The following STAG1 variants were observed in gnomAD, a reference collection of about 807,000 sequenced individuals.
STAG1 encodes the protein cohesin subunit SA-1.
In STAG1, 26 loss-of-function variants were observed where a neutral mutation model predicts 170.9. That is an observed-to-expected ratio of 0.15 (90% CI 0.11 to 0.21). The LOEUF (loss-of-function observed/expected upper bound fraction) is 0.21. STAG1 is among the 10% of genes least tolerant of loss of function. The probability of loss-of-function intolerance (pLI) is 1.00; values close to 1 mark genes in which losing one functional copy is unlikely to be tolerated. For missense variants in STAG1, 964 were observed against 1,509.5 expected (o/e 0.64, Z 5.99); for synonymous variants, 514 against 497.7 (o/e 1.03, Z -0.44).
intron 1 of STAG1, among the ~76,000 whole-genome samples, chr3:136,678,226 C>G (rs1942202911): frequency 6.7e-6 from 1 of 148,962 alleles, no homozygotes; most frequent in African/African-American, 2.5e-5. Context: ...TAGAGAACAG[C>G]TAATGCTAAA....
intron 7 of STAG1, among the ~76,000 whole-genome samples, chr3:136,508,482 G>A (rs575425069): frequency 1.3e-5 from 2 of 152,288 alleles, no homozygotes; most frequent in South Asian, 4.1e-4. Flanking sequence ...GAGGTCAGGA[G>A]TTCAAGACCA....
intron 4 of STAG1, among the ~76,000 whole-genome samples, chr3:136,569,389 T>A (rs1231639160): frequency 1.3e-5 from 2 of 148,918 alleles, no homozygotes; most frequent in Non-Finnish European, 3.0e-5. Flanking sequence ...AAAACGTATC[T>A]GATAAAATTC....
At chr3:136,486,999 CAAAAAAAAAAAAAAAAA>C (rs536392595) in intron 9 of STAG1, among the ~76,000 whole-genome samples, 14 of 54,662 alleles carry the variant, frequency 2.6e-4, no homozygotes, top group African/African-American at 9.2e-4. Flanking sequence ...TTTATTTCTT[CAAAAAAAAAAAAAAAAA>C]AAAAAAAAAA....
intron 1 of STAG1, among the ~76,000 whole-genome samples, chr3:136,709,376 T>C (rs1943322320): frequency 6.6e-6 from 1 of 152,126 alleles, no homozygotes; most frequent in Non-Finnish European, 1.5e-5. Context: ...ATTTATTATA[T>C]AGGAAAGCAG....
At chr3:136,579,340 T>C (rs116038008) in intron 4 of STAG1, among the ~76,000 whole-genome samples, 12 of 152,358 alleles carry the variant, frequency 7.9e-5, no homozygotes, top group Non-Finnish European at 1.6e-4. Flanking sequence ...GGTAGTTGTA[T>C]TGGTTATCTA....
Position 136,337,176 on chromosome 3 carries a change from A to G in STAG1, c.*1078T>C, listed in dbSNP as rs1203900165. 1 of 152,672 alleles carries G rather than the reference A, an allele frequency of 6.5e-6. No homozygotes were observed. The highest frequency in any genetic ancestry group is 1.5e-5 in the Non-Finnish European group (1 of 68,048). 9.5% of individuals were successfully genotyped at this position (152,672 alleles called of 1,614,324 possible). On this transcript the variant is annotated 3_prime_UTR_variant, in exon 34 of 34. Coordinates refer to ENST00000383202, the MANE Select transcript of STAG1 (RefSeq NM_005862.3). ...CTAAGCACAGACTTCTATGCAGCAC[A>G]TACTTCTATAATCAGTAAACTTAAT...
chr3:136,397,133 C>A (rs968220577), intron 22 of STAG1, among the ~76,000 whole-genome samples: 1 of 152,180 alleles, frequency 6.6e-6, no homozygotes, highest in Admixed American at 6.5e-5. Context: ...AGAGGAGATA[C>A]ACAAACATAC....
chr3:136,351,930 G>T lies in STAG1; in HGVS notation c.3066-2567C>A, dbSNP rs894792362. Reference sequence around the variant, plus strand: ...AAGTGGCTTATGCTAACCCAGGGGTGACCTCCTCAGCAGCCAAGACAAATG... The same window carrying T: ...AAGTGGCTTATGCTAACCCAGGGGTTACCTCCTCAGCAGCCAAGACAAATG... On this transcript the variant is annotated intron_variant, in intron 28 of 33. Transcript: ENST00000383202. Among the ~76,000 whole-genome samples, 44 of 152,204 alleles carry T rather than the reference G, an allele frequency of 2.9e-4. 1 individual carries two copies. The highest frequency in any genetic ancestry group is 1.0e-3 in the African/African-American group (43 of 41,554).
intron 22 of STAG1, among the ~76,000 whole-genome samples, chr3:136,378,790 C>T (rs1209118550): frequency 1.3e-5 from 2 of 152,166 alleles, no homozygotes; most frequent in African/African-American, 4.8e-5. Flanking sequence ...GGGGTTGAAA[C>T]TAGGACTATC....
At chr3:136,710,837 A>G (rs903471710) in intron 1 of STAG1, among the ~76,000 whole-genome samples, 1 of 152,122 alleles carries the variant, frequency 6.6e-6, no homozygotes, top group Non-Finnish European at 1.5e-5. Flanking sequence ...GTATTTCAAT[A>G]TATGATACTT....
intron 9 of STAG1, among the ~76,000 whole-genome samples, chr3:136,498,235 C>CACATACAT (rs1553733377): frequency 2.6e-5 from 1 of 37,866 alleles, no homozygotes; most frequent in African/African-American, 1.1e-4. Context: ...TATATATATA[C>CACATACAT]ACATACATAT....
intron 9 of STAG1, among the ~76,000 whole-genome samples, chr3:136,497,181 T>C (rs1933154330): frequency 6.6e-6 from 1 of 152,130 alleles, no homozygotes; most frequent in Non-Finnish European, 1.5e-5. Context: ...ATACCAGTTC[T>C]ATCAAACTCA....
intron 1 of STAG1, among the ~76,000 whole-genome samples, chr3:136,694,437 G>C (rs964261827): frequency 6.6e-6 from 1 of 151,940 alleles, no homozygotes; most frequent in East Asian, 1.9e-4. Context: ...GCAACATAGT[G>C]AGACCGTGTC....
At chr3:136,522,815 A>C (rs531296492) in intron 6 of STAG1, among the ~76,000 whole-genome samples, 1 of 147,238 alleles carries the variant, frequency 6.8e-6, no homozygotes, top group Admixed American at 7.1e-5. Flanking sequence ...GAGAACATGC[A>C]GTGTTTGGTT....
chr3:136,491,656 T>G (rs1009020539), intron 9 of STAG1, among the ~76,000 whole-genome samples: 10 of 152,186 alleles, frequency 6.6e-5, no homozygotes, highest in Admixed American at 2.0e-4. Context: ...GTCTCCATAC[T>G]TACTGTAAAT....
chr3:136,372,222 TG>T (rs1435090541), intron 23 of STAG1, among the ~76,000 whole-genome samples: 1 of 152,252 alleles, frequency 6.6e-6, no homozygotes, highest in South Asian at 2.1e-4. Flanking sequence ...TTGCTGAAGC[TG>T]CTTATCAGCT....
chr3:136,535,048 A>T, intron 6 of STAG1, among the ~76,000 whole-genome samples: 1 of 152,254 alleles, frequency 6.6e-6, no homozygotes, highest in Non-Finnish European at 1.5e-5. Context: ...TATACATATA[A>T]CAGGATACTA....
Position 136,337,380 on chromosome 3 carries a change from C to CTGA in STAG1, c.*871_*873dup, listed in dbSNP as rs1471329481. On this transcript the variant is annotated 3_prime_UTR_variant, in exon 34 of 34. Transcript: ENST00000383202. The stretch of plus-strand genomic sequence containing the variant: ...TGAAATAAGTGGTAAAAACAGCAAA[C>CTGA]TGATAACTTGAGAATCATTTTCGTT... 1 of 152,554 alleles carries CTGA rather than the reference C, an allele frequency of 6.6e-6. No homozygotes were observed. Among genetic ancestry groups the CTGA allele is most frequent in the Non-Finnish European group, 1.5e-5 (1 of 68,028 alleles). 9.5% of individuals were successfully genotyped at this position (152,554 alleles called of 1,614,324 possible).
intron 5 of STAG1, among the ~76,000 whole-genome samples, chr3:136,547,345 T>C (rs2107733461): frequency 6.6e-6 from 1 of 152,318 alleles, no homozygotes; most frequent in African/African-American, 2.4e-5. Context: ...AGTATCATTT[T>C]TGTTCCAGAA....
Sources: allele counts gnomAD v4.1 joint callset (sites outside exome capture counted in the v4.1 genomes callset), GRCh38; gene constraint gnomAD v4.1.1; transcripts MANE v1.5; gene names NCBI Gene and HGNC (gene_info 2026-07-23, HGNC 2026-07-21).